The following DOCK4 variants were observed in gnomAD, a reference collection of about 807,000 sequenced individuals.
DOCK4 encodes dedicator of cytokinesis 4, also known as dedicator of cytokinesis protein 4.
In DOCK4, 97 loss-of-function variants were observed where a neutral mutation model predicts 268.1. The observed-to-expected ratio is 0.36, with a 90% CI of 0.31 to 0.43. DOCK4 has a LOEUF of 0.43. Ranked by LOEUF, DOCK4 falls within the 20% of genes least tolerant of loss-of-function variation. The probability of loss-of-function intolerance (pLI) is 1.00; values close to 1 mark genes in which losing one functional copy is unlikely to be tolerated. For missense variants in DOCK4, 2,145 were observed against 2,455.7 expected (o/e 0.87, Z 2.67); for synonymous variants, 954 against 887.2 (o/e 1.08, Z -1.34).
At chr7:111,975,990 C>A (rs184993533) in intron 8 of DOCK4, among the ~76,000 whole-genome samples, 2 of 149,670 alleles carry the variant, frequency 1.3e-5, no homozygotes, top group Admixed American at 6.7e-5. Flanking sequence ...ATGGTGAAAC[C>A]GCATCTCTAC....
chr7:112,182,420 A>T (rs1384557366), intron 1 of DOCK4, among the ~76,000 whole-genome samples: 1 of 152,246 alleles, frequency 6.6e-6, no homozygotes. Flanking sequence ...TTAAAATTAT[A>T]CACACCAACG....
At chr7:111,919,278 A>G (rs1222055908) in intron 12 of DOCK4, among the ~76,000 whole-genome samples, 1 of 152,120 alleles carries the variant, frequency 6.6e-6, no homozygotes, top group Non-Finnish European at 1.5e-5. Flanking sequence ...AAAATGCTTT[A>G]GAAAAAGACA....
intron 1 of DOCK4, among the ~76,000 whole-genome samples, chr7:112,176,541 T>A (rs1239783027): frequency 1.3e-5 from 2 of 152,108 alleles, no homozygotes; most frequent in Non-Finnish European, 2.9e-5. Flanking sequence ...CACAGAAAAA[T>A]GTATTGGAAA....
At chr7:111,984,467 T>C (rs2074127) in intron 6 of DOCK4, 77 bp from the exon 7 acceptor site, 271,148 of 1,268,878 alleles carry the variant, frequency 0.21, 33,541 homozygotes, top group African/African-American at 0.5. Context: ...TTTTTTACTA[T>C]ATCACTTGGA....
At chr7:111,816,487 T>C (rs2133938155) in intron 27 of DOCK4, among the ~76,000 whole-genome samples, 1 of 152,348 alleles carries the variant, frequency 6.6e-6, no homozygotes, top group East Asian at 1.9e-4. Flanking sequence ...CAAAGGATGC[T>C]TAAGACTTCA....
At chr7:111,908,981 G>A (rs769276039) in intron 13 of DOCK4, among the ~76,000 whole-genome samples, 11 of 152,118 alleles carry the variant, frequency 7.2e-5, no homozygotes, top group South Asian at 2.1e-4. Context: ...AAATAGTGCC[G>A]CAATAAACAA....
intron 1 of DOCK4, among the ~76,000 whole-genome samples, chr7:112,157,000 T>TA (rs1485955054): frequency 6.6e-6 from 1 of 151,898 alleles, no homozygotes; most frequent in Non-Finnish European, 1.5e-5. Flanking sequence ...TGAAAAAAAG[T>TA]TTTTTTTAAT....
intron 44 of DOCK4, among the ~76,000 whole-genome samples, chr7:111,744,722 T>A (rs185297762): frequency 6.6e-6 from 1 of 152,318 alleles, no homozygotes; most frequent in African/African-American, 2.4e-5. Flanking sequence ...TCCTAAGTAA[T>A]GGATGACCTC....
chr7:112,066,087 A>G (rs933205124), intron 1 of DOCK4, among the ~76,000 whole-genome samples: 8 of 152,170 alleles, frequency 5.3e-5, no homozygotes, highest in Non-Finnish European at 1.2e-4. Context: ...ATTAAGGGAC[A>G]CCCAGATAGC....
intron 16 of DOCK4, among the ~76,000 whole-genome samples, chr7:111,894,704 T>A (rs1808592490): frequency 1.3e-5 from 2 of 152,104 alleles, no homozygotes; most frequent in Non-Finnish European, 2.9e-5. Context: ...ATGTGCTGGA[T>A]GTGGTTGTAG....
At chr7:112,157,570 T>G (rs1816736522) in intron 1 of DOCK4, among the ~76,000 whole-genome samples, 1 of 152,160 alleles carries the variant, frequency 6.6e-6, no homozygotes, top group Non-Finnish European at 1.5e-5. Flanking sequence ...TAAGGAAAAC[T>G]CTCACAGTTC....
chr7:112,092,943 C>T (rs1809770144), intron 1 of DOCK4, among the ~76,000 whole-genome samples: 1 of 152,072 alleles, frequency 6.6e-6, no homozygotes, highest in African/African-American at 2.4e-5. Flanking sequence ...ATACTGAAAT[C>T]TTTACCTGCC....
rs766647443 is a variant in DOCK4, at chr7:111,758,793, A to G, written c.4163-3T>C. The G allele has an allele frequency of 1.2e-6, 2 of 1,613,494 alleles. No individual in the cohort carries two copies. The highest frequency in any genetic ancestry group is 2.2e-5 in the South Asian group (2 of 90,938). On this transcript the variant is annotated splice_polypyrimidine_tract_variant and splice_region_variant and intron_variant, in intron 40 of 52. Transcript: ENST00000428084. ...AGTCACAGCATATATCTGCAAATCT[A>G]GGATTCAAGAGTCAAGGAGAGAACC... is the stretch of plus-strand genomic sequence containing the variant.
At chr7:111,830,939 G>A (rs917309542) in intron 26 of DOCK4, among the ~76,000 whole-genome samples, 1 of 151,724 alleles carries the variant, frequency 6.6e-6, no homozygotes, top group Admixed American at 6.6e-5. Context: ...TGTTTATCAC[G>A]CCTCCCTCCT....
intron 42 of DOCK4, among the ~76,000 whole-genome samples, chr7:111,752,053 T>A (rs973464787): frequency 1.3e-5 from 2 of 152,252 alleles, no homozygotes; most frequent in African/African-American, 4.8e-5. Context: ...TTATTGTTAA[T>A]TTTTAATGTG....
At position 111,728,387 on chromosome 7, in the gene DOCK4, C is replaced by A. The variant is rs759449913; in HGVS notation, c.5815G>T (p.Ala1939Ser). 1.9e-6 allele frequency: 3 copies of A among 1,552,806 alleles called. No homozygotes were observed. The highest frequency in any genetic ancestry group is 1.4e-5 in the African/African-American group (1 of 73,644). The change falls in exon 53 of 53, where the codon GCG becomes TCG. Residue 1939 changes from alanine to serine, a missense_variant. This residue lies in a region of DOCK4 where 547 missense variants were observed against 469.0 expected (regional missense o/e 1.17). Transcript: ENST00000428084. ...GCTGCCAGAGGCTTGGGGGGCAGCG[C>A]GGGCGGCTCCGACGTGACGGGGATG... is the stretch of plus-strand genomic sequence containing the variant. ...LSIPVTSEPP[A>S]LPPKPLAARS...
chr7:112,106,456 T>G (rs1034476121), intron 1 of DOCK4, among the ~76,000 whole-genome samples: 1 of 152,200 alleles, frequency 6.6e-6, no homozygotes, highest in African/African-American at 2.4e-5. Flanking sequence ...GCATTCTTTT[T>G]AGCATGCAGC....
At position 111,921,313 on chromosome 7, in the gene DOCK4, T is replaced by C. The variant is rs533180019; in HGVS notation, c.1067-5409A>G. The stretch of plus-strand genomic sequence containing the variant: ...GAGTGGTAGTACACGAAAGAAAGGC[T>C]TGGTATCTTTTAAGCCAAATGTGGC... On this transcript the variant is annotated intron_variant, in intron 12 of 52. Transcript: ENST00000428084. 1.2e-4 allele frequency among the ~76,000 whole-genome samples: 18 copies of C among 152,340 alleles called. No homozygotes were observed. The South Asian group carries it at 3.3e-3, about 28-fold the overall frequency.
chr7:112,067,014 C>A lies in DOCK4; in HGVS notation c.38-62883G>T, dbSNP rs980985334. ...CACACACAAAAAAACCAAACCAAAC[C>A]AAACAAAACCCAAAACCCACTGGGC... On this transcript the variant is annotated intron_variant, in intron 1 of 52. Transcript: ENST00000428084. Among the ~76,000 whole-genome samples the A allele has an allele frequency of 1.0e-4, 15 of 150,224 alleles. No individual in the cohort carries two copies. In the East Asian group the frequency reaches 1.4e-3, roughly 14 times the overall value.
Sources: allele counts gnomAD v4.1 joint callset (sites outside exome capture counted in the v4.1 genomes callset), GRCh38; gene constraint gnomAD v4.1.1; regional missense constraint gnomAD v4.1.1; transcripts MANE v1.5; gene names NCBI Gene and HGNC (gene_info 2026-07-23, HGNC 2026-07-21).